Variants in ANTXR1 observed in about 807,000 individuals in gnomAD.
ANTXR1 encodes ANTXR cell adhesion molecule 1.
Under a neutral mutation model 78.1 loss-of-function variants are expected in ANTXR1, and 19 were observed. The ratio of observed to expected loss-of-function variants is 0.24; its 90% confidence interval spans 0.17 to 0.36. The LOEUF is 0.36. ANTXR1 is among the 10% of genes least tolerant of loss of function. The pLI is 1.00. For synonymous variants in ANTXR1, 273 were observed against 260.5 expected (o/e 1.05, Z -0.46); for missense variants, 518 against 718.6 (o/e 0.72, Z 3.19).
intron 12 of ANTXR1, among the ~76,000 whole-genome samples, chr2:69,138,362 T>A (rs1022391102): frequency 6.6e-6 from 1 of 152,184 alleles, no homozygotes; most frequent in East Asian, 1.9e-4. Flanking sequence ...ATTGTCCTAG[T>A]TGGCAGCTTA....
At chr2:69,050,069 G>A (rs1669882981) in intron 3 of ANTXR1, among the ~76,000 whole-genome samples, 1 of 152,090 alleles carries the variant, frequency 6.6e-6, no homozygotes, top group South Asian at 2.1e-4. Context: ...TGAGGTGAGA[G>A]GATCGCTTGA....
chr2:69,080,185 G>A (rs1670857044), intron 8 of ANTXR1, among the ~76,000 whole-genome samples: 1 of 152,148 alleles, frequency 6.6e-6, no homozygotes, highest in Non-Finnish European at 1.5e-5. Flanking sequence ...TCGTTTGCTT[G>A]GACAGAGAAA....
chr2:69,025,775 A>T (rs1005963332), intron 1 of ANTXR1, among the ~76,000 whole-genome samples: 7 of 152,206 alleles, frequency 4.6e-5, no homozygotes, highest in African/African-American at 1.7e-4. Flanking sequence ...GTGACCAAAC[A>T]TCCTAATTTG....
intron 17 of ANTXR1, among the ~76,000 whole-genome samples, chr2:69,234,933 T>C (rs1046974499): frequency 6.6e-6 from 1 of 151,012 alleles, no homozygotes; most frequent in East Asian, 1.9e-4. Context: ...TTTGGCTCTT[T>C]AGTCCACATT....
chr2:69,068,500 G>T (rs1484730566), intron 3 of ANTXR1, among the ~76,000 whole-genome samples: 3 of 152,186 alleles, frequency 2.0e-5, no homozygotes, highest in Non-Finnish European at 2.9e-5. Context: ...GGGCAGCAGT[G>T]ATTGCCGATG....
At chr2:69,229,542 T>C (rs914477306) in intron 17 of ANTXR1, among the ~76,000 whole-genome samples, 15 of 152,130 alleles carry the variant, frequency 9.9e-5, no homozygotes, top group Admixed American at 2.6e-4. Context: ...TACCTCAACA[T>C]AAATAAAATA....
intron 17 of ANTXR1, among the ~76,000 whole-genome samples, chr2:69,210,159 C>G (rs4464317): frequency 6.6e-6 from 1 of 152,108 alleles, no homozygotes; most frequent in South Asian, 2.1e-4. Flanking sequence ...CTCTTTACAC[C>G]TGACTGTCCC....
At position 69,013,416 on chromosome 2, in the gene ANTXR1, C is replaced by CCG; in HGVS notation, c.-81_-80dup. 1 of 1,548,182 alleles carries CCG rather than the reference C, an allele frequency of 6.5e-7. No individual in the cohort carries two copies. The highest frequency in any genetic ancestry group is 2.3e-5 in the East Asian group (1 of 43,050). ...GAATAAAGGACCCGCGAGGAAGGGCCCGCGGATGGCGCGTCCCTGAGGGTC... is the reference window on the plus strand; with the variant it reads ...GAATAAAGGACCCGCGAGGAAGGGCCCGCGCGGATGGCGCGTCCCTGAGGGTC... On this transcript the variant is annotated 5_prime_UTR_variant, in exon 1 of 18. Transcript: ENST00000303714. The surrounding 1 kb of genome is among the most constrained non-coding windows in gnomAD (Gnocchi z 5.0).
At chr2:69,027,656 G>A (rs2104016234) in intron 1 of ANTXR1, among the ~76,000 whole-genome samples, 1 of 152,016 alleles carries the variant, frequency 6.6e-6, no homozygotes. Flanking sequence ...GTGTGTGTGT[G>A]TGTAAGCTAT....
chr2:69,103,795 C>T (rs1402006714), intron 10 of ANTXR1: 1 of 155,044 alleles, frequency 6.4e-6, no homozygotes, highest in African/African-American at 2.4e-5. Context: ...TAATATACTG[C>T]ATTTTCTGTA....
intron 1 of ANTXR1, among the ~76,000 whole-genome samples, chr2:69,015,605 AG>A (rs572229437): frequency 2.6e-5 from 4 of 152,130 alleles, no homozygotes; most frequent in East Asian, 1.9e-4. Context: ...AATTTCAGAA[AG>A]GTTGAAAATC....
chr2:69,068,109 A>T (rs1670456853), intron 3 of ANTXR1, among the ~76,000 whole-genome samples: 1 of 152,222 alleles, frequency 6.6e-6, no homozygotes, highest in South Asian at 2.1e-4. Context: ...TCTTCCCAGA[A>T]TGAGTAACAG....
intron 1 of ANTXR1, among the ~76,000 whole-genome samples, chr2:69,036,152 C>T (rs1669408968): frequency 6.6e-6 from 1 of 152,152 alleles, no homozygotes; most frequent in South Asian, 2.1e-4. Context: ...ATAATAGTTT[C>T]CCAATTCTAA....
intron 16 of ANTXR1, among the ~76,000 whole-genome samples, chr2:69,184,990 C>T (rs1558630268): frequency 2.0e-5 from 3 of 152,220 alleles, no homozygotes; most frequent in Non-Finnish European, 4.4e-5. Context: ...TGCCTCCCTT[C>T]TCTAATTTCA....
intron 12 of ANTXR1, among the ~76,000 whole-genome samples, chr2:69,144,939 T>G (rs1673180416): frequency 6.6e-6 from 1 of 152,188 alleles, no homozygotes; most frequent in Admixed American, 6.5e-5. Flanking sequence ...TGGGGTTAGT[T>G]AAAATAGAGA....
At position 69,208,432 on chromosome 2, in the gene ANTXR1, G is replaced by A. The variant is rs1296458102; in HGVS notation, c.1434+15017G>A. 2.6e-5 allele frequency among the ~76,000 whole-genome samples: 4 copies of A among 152,102 alleles called. No individual in the cohort carries two copies. In the East Asian group the frequency reaches 7.7e-4, roughly 29 times the overall value. ...GTGAGAAATGACATGTGCTATAAAT[G>A]CAAAATATACTCTGGATTTTCAGGG... is the stretch of plus-strand genomic sequence containing the variant. On this transcript the variant is annotated intron_variant, in intron 17 of 17. Coordinates refer to ENST00000303714, the MANE Select transcript of ANTXR1 (RefSeq NM_032208.3).
In ANTXR1 at chr2:69,133,639, A is replaced by T. The variant is rs1672822723; in HGVS notation, c.951+8996A>T. On this transcript the variant is annotated intron_variant, in intron 12 of 17. Coordinates refer to ENST00000303714, the MANE Select transcript of ANTXR1 (RefSeq NM_032208.3). ...ATGCCACTGATTTGTGAATTTGGTCATCTGGAAAAGGAGTAGGCTCTAGTT... is the reference window on the plus strand; with the variant it reads ...ATGCCACTGATTTGTGAATTTGGTCTTCTGGAAAAGGAGTAGGCTCTAGTT... 2.0e-5 allele frequency among the ~76,000 whole-genome samples: 3 copies of T among 152,230 alleles called. No individual in the cohort carries two copies. The South Asian group carries it at 6.2e-4, about 31-fold the overall frequency.
intron 12 of ANTXR1, among the ~76,000 whole-genome samples, chr2:69,150,658 A>G (rs575218638): frequency 9.3e-5 from 9 of 96,330 alleles, no homozygotes; most frequent in East Asian, 1.2e-3. Context: ...CACTCTTGAC[A>G]TACATATACA....
At chr2:69,014,886 G>T (rs1474478179) in intron 1 of ANTXR1, among the ~76,000 whole-genome samples, 1 of 152,140 alleles carries the variant, frequency 6.6e-6, no homozygotes, top group Non-Finnish European at 1.5e-5. Flanking sequence ...TTTCTTTTCT[G>T]CAGATTTATG....
Sources: gnomAD v4.1 joint callset for allele counts (sites outside exome capture counted in the v4.1 genomes callset) on GRCh38, gnomAD v4.1.1 for gene constraint, Gnocchi (gnomAD v3.1) non-coding constraint, MANE v1.5 for transcripts, NCBI Gene and HGNC (gene_info 2026-07-23, HGNC 2026-07-21) for gene names.